The following DOCK11 variants were observed in gnomAD, a reference collection of about 807,000 sequenced individuals.
DOCK11 encodes dedicator of cytokinesis protein 11.
DOCK11 carries 70 observed loss-of-function variants against 169.1 expected under a neutral mutation model. The observed-to-expected ratio is 0.41, with a 90% CI of 0.34 to 0.51. The LOEUF (loss-of-function observed/expected upper bound fraction) is 0.51. Among genes scored for constraint, DOCK11 ranks in the 20% least tolerant of loss-of-function variants. The pLI is 0.10. For synonymous variants in DOCK11, 529 were observed against 541.3 expected, an observed-to-expected ratio of 0.98 and a Z score of 0.32; for missense variants, 1,166 against 1,538.8, an observed-to-expected ratio of 0.76 and a Z score of 4.05.
intron 1 of DOCK11, among the ~76,000 whole-genome samples, chrX:118,517,340 G>A (rs1046992009): frequency 1.9e-5 from 2 of 107,949 alleles, no homozygotes; most frequent in Non-Finnish European, 3.8e-5. Context: ...CTATGATCGC[G>A]CCACTGCACT....
chrX:118,545,378 T>G lies in DOCK11; in HGVS notation c.448T>G (p.Cys150Gly). ...PNHVFEIDED[C>G]EKDEDSSSLC... ...TCATGTATTTGAGATAGATGAAGAC[T>G]GTGAGAAAGATGAGGTAAGAATGGG... Residue 150 changes from cysteine (C) to glycine (G), a missense_variant, in exon 5 of 53, where the codon TGT becomes GGT. Transcript: ENST00000276202. The G allele has an allele frequency of 8.4e-7, 1 of 1,196,544 alleles. No homozygotes were observed. Among genetic ancestry groups the G allele is most frequent in the Non-Finnish European group, 1.1e-6 (1 of 887,799 alleles).
rs779660725 is a variant in DOCK11 at position 118,578,100 on chromosome X, G to A, written c.1390-425G>A. On this transcript the variant is annotated intron_variant, in intron 12 of 52. Transcript: ENST00000276202. ...CTGCAACAAAGGAATGTCTTTTAGA[G>A]GATGATTTAGTTTTTCTATATTAGA... Among the ~76,000 whole-genome samples the A allele has an allele frequency of 5.3e-5, 6 of 112,374 alleles. No individual in the cohort carries two copies. The East Asian group carries it at 1.7e-3, about 31-fold the overall frequency.
chrX:118,553,749 G>A (rs111908453), intron 6 of DOCK11, among the ~76,000 whole-genome samples: 1 of 111,946 alleles, frequency 8.9e-6, no homozygotes, highest in African/African-American at 3.2e-5. Flanking sequence ...CACTATGTGT[G>A]TTAGAACAAA....
chrX:118,512,400 T>C (rs2057655866), intron 1 of DOCK11, among the ~76,000 whole-genome samples: 1 of 111,987 alleles, frequency 8.9e-6, no homozygotes, highest in Non-Finnish European at 1.9e-5. Context: ...CCGTATATTT[T>C]TAGATTCAGA....
At chrX:118,510,123 C>G (rs1473774725) in intron 1 of DOCK11, among the ~76,000 whole-genome samples, 1 of 111,966 alleles carries the variant, frequency 8.9e-6, no homozygotes, top group African/African-American at 3.3e-5. Flanking sequence ...TTCACAGGTT[C>G]CACGGATTAA....
At chrX:118,511,002 C>T (rs1406677605) in intron 1 of DOCK11, among the ~76,000 whole-genome samples, 1 of 112,294 alleles carries the variant, frequency 8.9e-6, no homozygotes, top group African/African-American at 3.2e-5. Flanking sequence ...TGCATCAGCC[C>T]TCCTCACACT....
chrX:118,597,677 A>C, intron 21 of DOCK11, 125 bp downstream of exon 21: 1 of 715,549 alleles, frequency 1.4e-6, no homozygotes, highest in Non-Finnish European at 2.0e-6. Flanking sequence ...GCGGGTCCAC[A>C]ACAAAGATAA....
chrX:118,556,665 G>C (rs1321192288), intron 6 of DOCK11, among the ~76,000 whole-genome samples: 1 of 108,334 alleles, frequency 9.2e-6, no homozygotes, highest in Non-Finnish European at 1.9e-5. Context: ...GCTGAGGCAG[G>C]AGAATTGCTT....
intron 42 of DOCK11, 59 bp downstream of exon 42, chrX:118,652,136 C>G (rs960741452): frequency 9.3e-6 from 7 of 756,241 alleles, no homozygotes; most frequent in African/African-American, 2.1e-5. Flanking sequence ...GAAGTTTAAA[C>G]TCTTAAACTG....
In DOCK11 at chrX:118,676,774, T is replaced by A. The variant is rs17331656; in HGVS notation, c.5460+37T>A. ...CCTACATGTTGAAATCATTATTTGT[T>A]AGTTCCAGGCATTGTACATTGCTCC... On this transcript the variant is annotated intron_variant, in intron 48 of 52. Coordinates refer to ENST00000276202, the MANE Select transcript of DOCK11 (RefSeq NM_144658.4). The A allele has an allele frequency of 0.17, 196,789 of 1,135,940 alleles. 12,122 individuals carry two copies. The highest frequency in any genetic ancestry group is 0.27 in the Admixed American group (11,497 of 42,987). The allele number at this position is 1,135,940 out of a possible 1,213,427, so 93.6% of individuals were successfully genotyped here. A position where few individuals can be genotyped will look rare whatever the true frequency, so the allele number is the denominator to read the frequency against.
At chrX:118,597,380 G>A (rs1285926438) in intron 20 of DOCK11, 51 bp from the exon 21 acceptor site, 8 of 1,205,086 alleles carry the variant, frequency 6.6e-6, no homozygotes, top group African/African-American at 1.7e-5. Flanking sequence ...CATTTGTGTA[G>A]CTGATTGCAT....
intron 1 of DOCK11, among the ~76,000 whole-genome samples, chrX:118,530,787 T>C (rs2011504156): frequency 8.9e-6 from 1 of 112,255 alleles, no homozygotes; most frequent in Admixed American, 9.4e-5. Context: ...TAGGGATCTC[T>C]CTCTCCCTCT....
intron 1 of DOCK11, among the ~76,000 whole-genome samples, chrX:118,534,221 C>CA (rs1362393996): frequency 5.5e-4 from 61 of 111,775 alleles, no homozygotes; most frequent in African/African-American, 1.9e-3. Flanking sequence ...ACAAGTTTGT[C>CA]GAGTAAAGTT....
rs1000921027 is a variant in DOCK11 at position 118,643,370 on chromosome X, C to A, written c.4261-87C>A. On this transcript the variant is annotated intron_variant, in intron 39 of 52. Coordinates refer to ENST00000276202, the MANE Select transcript of DOCK11 (RefSeq NM_144658.4). ...GAGCCTTTTATTTTCCTGAAACTTC[C>A]AAACAGTGGTTTCATAAACAGGTAT... The A allele has an allele frequency of 7.6e-5, 71 of 937,142 alleles. 1 individual carries two copies. The Middle Eastern group carries it at 1.7e-3, about 23-fold the overall frequency. The allele number at this position is 937,142 out of a possible 1,213,427, so 77.2% of individuals were successfully genotyped here. A position where few individuals can be genotyped will look rare whatever the true frequency, so the allele number is the denominator to read the frequency against.
At chrX:118,497,791 A>G (rs759590828) in intron 1 of DOCK11, among the ~76,000 whole-genome samples, 2 of 112,726 alleles carry the variant, frequency 1.8e-5, no homozygotes, top group Non-Finnish European at 3.7e-5. Flanking sequence ...CAACACGTGA[A>G]GAAAGCTGTA....
At position 118,516,018 on chromosome X, in the gene DOCK11, T is replaced by TATATATATATATATATAC. The variant is rs1269373292; in HGVS notation, c.102+19946_102+19947insTATATATATATATATACA. Among the ~76,000 whole-genome samples, 12 of 81,467 alleles carry TATATATATATATATATAC rather than the reference T, an allele frequency of 1.5e-4. 3 individuals carry two copies. Among genetic ancestry groups the TATATATATATATATATAC allele is most frequent in the African/African-American group, 3.1e-4 (6 of 19,117 alleles). The allele number at this position is 81,467 out of a possible 115,157, so 70.7% of individuals were successfully genotyped here. On this transcript the variant is annotated intron_variant, in intron 1 of 52. Coordinates refer to ENST00000276202, the MANE Select transcript of DOCK11 (RefSeq NM_144658.4). Reference sequence around the variant, plus strand: ...GGATTTGGGCAAATATATATATATATACATTCTTACACCAGAAAACTGTGC... The same window carrying TATATATATATATATATAC: ...GGATTTGGGCAAATATATATATATATATATATATATATATATACACATTCTTACACCAGAAAACTGTGC...
chrX:118,634,643 T>C (rs1193069120), intron 35 of DOCK11, among the ~76,000 whole-genome samples: 1 of 112,661 alleles, frequency 8.9e-6, no homozygotes, highest in Non-Finnish European at 1.9e-5. Flanking sequence ...CAGGGACTTC[T>C]GGGGGGGAAC....
intron 29 of DOCK11, 46 bp downstream of exon 29, chrX:118,614,821 A>G: frequency 1.1e-6 from 1 of 900,692 alleles, no homozygotes; most frequent in Non-Finnish European, 1.6e-6. Context: ...ACATCTGAGC[A>G]TAAGACCAAA....
chrX:118,545,800 C>T lies in DOCK11; in HGVS notation c.463-221C>T, dbSNP rs1228031751. Among the ~76,000 whole-genome samples, 3 of 111,714 alleles carry T rather than the reference C, an allele frequency of 2.7e-5. No individual in the cohort carries two copies. The East Asian group carries it at 8.4e-4, about 31-fold the overall frequency. ...TGTTTACATAATGCAGAAGATTTCC[C>T]AGAAGAGAGCCCATACCATTCAGTA... On this transcript the variant is annotated intron_variant, in intron 5 of 52. Coordinates refer to ENST00000276202, the MANE Select transcript of DOCK11 (RefSeq NM_144658.4).
Sources: allele counts gnomAD v4.1 joint callset (sites outside exome capture counted in the v4.1 genomes callset), GRCh38; gene constraint gnomAD v4.1.1; transcripts MANE v1.5; gene names NCBI Gene and HGNC (gene_info 2026-07-23, HGNC 2026-07-21).